Variants in ZYG11B observed in about 807,000 individuals in gnomAD.
ZYG11B encodes protein zyg-11 homolog B.
In ZYG11B, 36 loss-of-function variants were observed where a neutral mutation model predicts 82.4. The ratio of observed to expected loss-of-function variants is 0.44; its 90% CI spans 0.33 to 0.58. ZYG11B has a LOEUF of 0.58. Ranked by LOEUF, ZYG11B falls within the 20% of genes least tolerant of loss-of-function variation. The pLI, the probability that ZYG11B is intolerant of heterozygous loss-of-function variation, is 0.02. For missense variants in ZYG11B, 552 were observed against 895.6 expected (o/e 0.62, Z 4.90); for synonymous variants, 303 against 312.8 (o/e 0.97, Z 0.33).
At chr1:52,752,604 C>T (rs1644535790) in intron 1 of ZYG11B, among the ~76,000 whole-genome samples, 1 of 152,188 alleles carries the variant, frequency 6.6e-6, no homozygotes, top group Admixed American at 6.5e-5. Context: ...CTCAGGGGAT[C>T]TTGGAATCCC....
chr1:52,775,599 G>C (rs1186072163), intron 3 of ZYG11B, among the ~76,000 whole-genome samples: 1 of 152,128 alleles, frequency 6.6e-6, no homozygotes, highest in Non-Finnish European at 1.5e-5. Context: ...GCTGAGGCAG[G>C]AGAATTGCTT....
At chr1:52,816,654 T>C in intron 13 of ZYG11B, 25 bp downstream of exon 13, 1 of 1,523,414 alleles carries the variant, frequency 6.6e-7, no homozygotes, top group Non-Finnish European at 9.0e-7. Context: ...AAAAGAACTG[T>C]GTTTTTTTTC....
At chr1:52,754,572 G>C (rs1465904670) in intron 1 of ZYG11B, 1 of 152,038 alleles carries the variant, frequency 6.6e-6, no homozygotes, top group Non-Finnish European at 1.5e-5. Context: ...TGTAGAGATG[G>C]GGTTTCACCA....
intron 8 of ZYG11B, among the ~76,000 whole-genome samples, chr1:52,800,740 G>A (rs977608109): frequency 2.0e-4 from 31 of 152,152 alleles, no homozygotes; most frequent in African/African-American, 7.5e-4. Context: ...CCCCGGGGGG[G>A]TGGAGGTCGC....
chr1:52,816,780 CTTTTTTTTTTTTTT>C (rs71044423), intron 13 of ZYG11B, 151 bp downstream of exon 13: 8 of 264,250 alleles, frequency 3.0e-5, no homozygotes, highest in African/African-American at 4.3e-5. Context: ...TTAAGGTATT[CTTTTTTTTTTTTTT>C]TTTTTTTTTT....
At chr1:52,729,851 A>G (rs1484635456) in intron 1 of ZYG11B, among the ~76,000 whole-genome samples, 1 of 151,906 alleles carries the variant, frequency 6.6e-6, no homozygotes, top group East Asian at 1.9e-4. Flanking sequence ...CTCTGTCCCT[A>G]AGCTGAAGTG....
intron 3 of ZYG11B, among the ~76,000 whole-genome samples, chr1:52,772,867 C>T (rs1466407154): frequency 6.6e-6 from 1 of 151,932 alleles, no homozygotes; most frequent in Non-Finnish European, 1.5e-5. Flanking sequence ...TTAGTAGAGA[C>T]AGAGTTTCAC....
intron 1 of ZYG11B, among the ~76,000 whole-genome samples, chr1:52,732,778 A>G (rs1235035452): frequency 2.7e-5 from 4 of 150,286 alleles, no homozygotes; most frequent in Non-Finnish European, 5.9e-5. Flanking sequence ...AAAAAAGGCC[A>G]CCCTGGCCAA....
intron 3 of ZYG11B, chr1:52,772,061 G>A: frequency 1.4e-6 from 1 of 718,742 alleles, no homozygotes; most frequent in Non-Finnish European, 2.4e-6. Flanking sequence ...AGTAGGTCCT[G>A]GCTAAACAAT....
intron 1 of ZYG11B, among the ~76,000 whole-genome samples, chr1:52,729,116 G>A (rs1255611819): frequency 3.9e-5 from 6 of 152,164 alleles, no homozygotes; most frequent in Non-Finnish European, 8.8e-5. Flanking sequence ...TGGATTCAGT[G>A]TCTCGTGAGG....
chr1:52,740,375 A>G (rs1558117126), intron 1 of ZYG11B, among the ~76,000 whole-genome samples: 1 of 152,176 alleles, frequency 6.6e-6, no homozygotes, highest in Non-Finnish European at 1.5e-5. Flanking sequence ...GCCAGGCCTT[A>G]AAGTGATATG....
chr1:52,792,375 TGA>T (rs796807047), intron 6 of ZYG11B, among the ~76,000 whole-genome samples: 14 of 152,308 alleles, frequency 9.2e-5, no homozygotes, highest in African/African-American at 3.4e-4. Context: ...TTATGGCACT[TGA>T]GATAAAAACG....
chr1:52,764,148 G>A (rs1644660195), intron 2 of ZYG11B, among the ~76,000 whole-genome samples: 1 of 151,904 alleles, frequency 6.6e-6, no homozygotes, highest in Admixed American at 6.6e-5. Flanking sequence ...TTTTTGAGAT[G>A]GAGTCTTGCT....
intron 5 of ZYG11B, among the ~76,000 whole-genome samples, chr1:52,786,730 G>A (rs887067492): frequency 6.6e-6 from 1 of 152,120 alleles, no homozygotes; most frequent in Non-Finnish European, 1.5e-5. Context: ...GCCATGAACT[G>A]TGATCAAGCC....
At chr1:52,783,889 C>CATACACGTGTGTGTGTATGTAA (rs1644884523) in intron 4 of ZYG11B, among the ~76,000 whole-genome samples, 3 of 98,558 alleles carry the variant, frequency 3.0e-5, no homozygotes, top group Non-Finnish European at 5.3e-5. Context: ...TGTATATGTA[C>CATACACGTGTGTGTGTATGTAA]ATACACGTGT....
At chr1:52,797,248 T>C (rs1413827003) in intron 8 of ZYG11B, among the ~76,000 whole-genome samples, 1 of 86,366 alleles carries the variant, frequency 1.2e-5, no homozygotes, top group African/African-American at 4.9e-5. Context: ...AATTTGTATA[T>C]ATAATATATA....
rs139918341 is a variant in ZYG11B at position 52,790,441 on chromosome 1, G to A, written c.1334+374G>A. On this transcript the variant is annotated intron_variant, in intron 6 of 13. Transcript: ENST00000294353. Reference sequence around the variant, plus strand: ...CTAATAACTGCAAGATTAGTAAGATGCAGGTTTGGCCAGGCACAGTGGCTC... The same window carrying A: ...CTAATAACTGCAAGATTAGTAAGATACAGGTTTGGCCAGGCACAGTGGCTC... Among the ~76,000 whole-genome samples, 17 of 152,188 alleles carry A rather than the reference G, an allele frequency of 1.1e-4. No homozygotes were observed. The East Asian group carries it at 2.7e-3, about 24-fold the overall frequency.
At chr1:52,756,121 C>T (rs1008961858) in intron 1 of ZYG11B, among the ~76,000 whole-genome samples, 2 of 152,182 alleles carry the variant, frequency 1.3e-5, no homozygotes, top group Admixed American at 6.5e-5. Flanking sequence ...TATTGTGATG[C>T]TTTAGTTGGT....
chr1:52,821,765 A>G lies in ZYG11B; in HGVS notation c.*136A>G, dbSNP rs780485784. The G allele has an allele frequency of 6.1e-4, 419 of 690,464 alleles. 1 individual carries two copies. Among genetic ancestry groups the G allele is most frequent in the Non-Finnish European group, 8.8e-4 (378 of 431,568 alleles). 42.8% of individuals were successfully genotyped at this position (690,464 alleles called of 1,614,324 possible). A position where few individuals can be genotyped will look rare whatever the true frequency, so the allele number is the denominator to read the frequency against. ...AATCAGTTTGGGATTGATAATGTGT[A>G]GTACTGCCCATGTGAACAGTCTCTA... is the stretch of plus-strand genomic sequence containing the variant. On this transcript the variant is annotated 3_prime_UTR_variant, in exon 14 of 14. Transcript: ENST00000294353.
Sources: gnomAD v4.1 joint callset for allele counts (sites outside exome capture counted in the v4.1 genomes callset) on GRCh38, gnomAD v4.1.1 for gene constraint, MANE v1.5 for transcripts, NCBI Gene and HGNC (gene_info 2026-07-23, HGNC 2026-07-21) for gene names.